Variants in MACROD2 observed in about 807,000 individuals in gnomAD.
MACROD2 encodes ADP-ribose glycohydrolase MACROD2.
MACROD2 carries 36 observed loss-of-function variants against 70.4 expected under a neutral mutation model. The ratio of observed to expected loss-of-function variants is 0.51; its 90% CI spans 0.39 to 0.68. MACROD2 has a LOEUF of 0.68. Among genes scored for constraint, MACROD2 ranks in the 30% least tolerant of loss-of-function variants. The pLI is 0.00. For missense variants in MACROD2, 496 were observed against 538.4 expected, an observed-to-expected ratio of 0.92 and a Z score of 0.78; for synonymous variants, 172 against 178.8, an observed-to-expected ratio of 0.96 and a Z score of 0.30.
At chr20:15,384,837 G>A (rs987754878) in intron 6 of MACROD2, among the ~76,000 whole-genome samples, 2 of 152,098 alleles carry the variant, frequency 1.3e-5, no homozygotes, top group African/African-American at 4.8e-5. Context: ...ACTCTTAGTT[G>A]CATCTTGGCA....
At chr20:15,996,166 T>G (rs989404120) in intron 15 of MACROD2, among the ~76,000 whole-genome samples, 11 of 152,178 alleles carry the variant, frequency 7.2e-5, no homozygotes, top group Non-Finnish European at 4.4e-5. Flanking sequence ...CCAACACTTG[T>G]TAGTTCTTTC....
At chr20:14,727,688 T>C (rs2071546337) in intron 5 of MACROD2, among the ~76,000 whole-genome samples, 1 of 152,208 alleles carries the variant, frequency 6.6e-6, no homozygotes, top group Non-Finnish European at 1.5e-5. Flanking sequence ...ATTTCAAATA[T>C]GTTACGTCAT....
intron 5 of MACROD2, among the ~76,000 whole-genome samples, chr20:14,847,796 A>G (rs987543901): frequency 3.3e-5 from 5 of 152,118 alleles, no homozygotes; most frequent in Non-Finnish European, 7.4e-5. Flanking sequence ...TATACTCTGA[A>G]TTAATGAGCT....
At chr20:15,935,328 G>A (rs2065642186) in intron 11 of MACROD2, among the ~76,000 whole-genome samples, 1 of 152,076 alleles carries the variant, frequency 6.6e-6, no homozygotes, top group Non-Finnish European at 1.5e-5. Context: ...AAGTGAGCTC[G>A]CCGGCCGGCA....
intron 2 of MACROD2, among the ~76,000 whole-genome samples, chr20:14,026,598 T>TA (rs2053170317): frequency 6.6e-6 from 1 of 152,228 alleles, no homozygotes; most frequent in African/African-American, 2.4e-5. Flanking sequence ...CTCCTTCACT[T>TA]ATGAAGCTTA....
intron 6 of MACROD2, among the ~76,000 whole-genome samples, chr20:15,296,471 A>C (rs553746746): frequency 6.6e-6 from 1 of 152,318 alleles, no homozygotes; most frequent in Non-Finnish European, 1.5e-5. Context: ...TAATTATATG[A>C]TGTTTCTGTG....
At chr20:14,882,685 G>A (rs555525222) in intron 5 of MACROD2, among the ~76,000 whole-genome samples, 1 of 152,168 alleles carries the variant, frequency 6.6e-6, no homozygotes, top group African/African-American at 2.4e-5. Context: ...GAAGCAGAAA[G>A]GCGTTCAGAC....
chr20:15,342,680 T>C (rs2078123150), intron 6 of MACROD2, among the ~76,000 whole-genome samples: 2 of 152,184 alleles, frequency 1.3e-5, no homozygotes, highest in Admixed American at 1.3e-4. Context: ...ACCAGAGGAC[T>C]AAATTACTGT....
chr20:14,791,932 G>A (rs2072455520), intron 5 of MACROD2, among the ~76,000 whole-genome samples: 1 of 151,262 alleles, frequency 6.6e-6, no homozygotes, highest in Non-Finnish European at 1.5e-5. Flanking sequence ...ATTGATTATT[G>A]TTGATGTTGA....
At chr20:15,092,039 T>C (rs1354839469) in intron 5 of MACROD2, among the ~76,000 whole-genome samples, 4 of 152,150 alleles carry the variant, frequency 2.6e-5, no homozygotes, top group Non-Finnish European at 5.9e-5. Context: ...TCATTGTGTA[T>C]GCACAGAGTG....
At chr20:14,575,859 G>A (rs1187054485) in intron 4 of MACROD2, among the ~76,000 whole-genome samples, 3 of 152,082 alleles carry the variant, frequency 2.0e-5, no homozygotes, top group African/African-American at 7.2e-5. Flanking sequence ...TAAATTTAGT[G>A]CAGTAAGATT....
intron 5 of MACROD2, among the ~76,000 whole-genome samples, chr20:14,737,109 C>G (rs936751925): frequency 2.6e-5 from 4 of 152,104 alleles, no homozygotes; most frequent in African/African-American, 9.7e-5. Flanking sequence ...CCCCTAGCCC[C>G]CACCACCCAA....
intron 15 of MACROD2, among the ~76,000 whole-genome samples, chr20:15,988,898 G>T (rs1324964182): frequency 6.6e-6 from 1 of 151,970 alleles, no homozygotes; most frequent in African/African-American, 2.4e-5. Flanking sequence ...CTTATACTTT[G>T]CATCCAAGTG....
At chr20:15,474,828 T>C (rs2047001025) in intron 7 of MACROD2, among the ~76,000 whole-genome samples, 1 of 152,042 alleles carries the variant, frequency 6.6e-6, no homozygotes, top group African/African-American at 2.4e-5. Flanking sequence ...GTCAGCCCTA[T>C]CCACTCCTTG....
intron 8 of MACROD2, among the ~76,000 whole-genome samples, chr20:15,726,830 A>T (rs1339973453): frequency 6.6e-6 from 1 of 151,868 alleles, no homozygotes; most frequent in East Asian, 1.9e-4. Flanking sequence ...TGGATGTTAG[A>T]CCCTTGTCAG....
intron 3 of MACROD2, among the ~76,000 whole-genome samples, chr20:14,112,307 A>G (rs187848386): frequency 9.2e-5 from 14 of 152,174 alleles, no homozygotes; most frequent in Admixed American, 2.0e-4. Context: ...TGATAGCACA[A>G]CAGAGTGACT....
rs1171051417 is a variant in MACROD2, at chr20:14,085,793, A to C, written c.271+65A>C. The C allele has an allele frequency of 3.3e-6, 3 of 902,868 alleles. No homozygotes were observed. The African/African-American group carries it at 5.3e-5, about 16-fold the overall frequency. 55.9% of individuals were successfully genotyped at this position (902,868 alleles called of 1,614,324 possible). ...GTATTATTTCAAAATTTTTAAATAA[A>C]TAAGAATGTAAGTATTTTAGAAAAA... On this transcript the variant is annotated intron_variant, in intron 3 of 17. Coordinates refer to ENST00000684519, the MANE Select transcript of MACROD2 (RefSeq NM_001351661.2).
At chr20:15,308,723 C>T (rs1286853255) in intron 6 of MACROD2, among the ~76,000 whole-genome samples, 3 of 152,140 alleles carry the variant, frequency 2.0e-5, no homozygotes, top group Non-Finnish European at 4.4e-5. Flanking sequence ...GAAATATAGA[C>T]ATTCAGCACT....
chr20:14,400,835 G>A (rs1163739337), intron 3 of MACROD2, among the ~76,000 whole-genome samples: 1 of 152,114 alleles, frequency 6.6e-6, no homozygotes, highest in African/African-American at 2.4e-5. Context: ...TTGTCCAGCA[G>A]TGGAAGTCCT....
Sources: allele counts gnomAD v4.1 joint callset (sites outside exome capture counted in the v4.1 genomes callset), GRCh38; gene constraint gnomAD v4.1.1; transcripts MANE v1.5; gene names NCBI Gene and HGNC (gene_info 2026-07-23, HGNC 2026-07-21).